RNF2: variants seen among roughly 807,000 people sequenced by gnomAD.
RNF2 encodes the protein E3 ubiquitin-protein ligase RING2.
In RNF2, 6 loss-of-function variants were observed where a neutral mutation model predicts 37.2. That is an observed-to-expected ratio of 0.16 (90% CI 0.09 to 0.32). The LOEUF is 0.32. RNF2 is among the 10% of genes least tolerant of loss of function. The probability of loss-of-function intolerance (pLI) is 1.00; values close to 1 mark genes in which losing one functional copy is unlikely to be tolerated. For synonymous variants in RNF2, 133 were observed against 132.7 expected (o/e 1.00, Z -0.02); for missense variants, 251 against 404.0 (o/e 0.62, Z 3.25).
chr1:185,083,263 A>G (rs937070623), intron 1 of RNF2, among the ~76,000 whole-genome samples: 1 of 152,094 alleles, frequency 6.6e-6, no homozygotes, highest in African/African-American at 2.4e-5. Context: ...GAAGGATTGT[A>G]TGTTTGTTTT....
At chr1:185,086,139 G>A (rs570436906) in intron 1 of RNF2, among the ~76,000 whole-genome samples, 15 of 152,058 alleles carry the variant, frequency 9.9e-5, no homozygotes, top group South Asian at 4.1e-4. Context: ...CTCTACCAAA[G>A]CCTCCTTAAC....
At position 185,076,279 on chromosome 1, in the gene RNF2, T is replaced by TG. The variant is rs1557967423; in HGVS notation, c.-2-11273_-2-11272insG. 3.0e-4 allele frequency among the ~76,000 whole-genome samples: 12 copies of TG among 39,684 alleles called. No individual in the cohort carries two copies. The East Asian group carries it at 3.7e-3, about 12-fold the overall frequency. 26.0% of individuals were successfully genotyped at this position (39,684 alleles called of 152,430 possible). ...ATCTTTTATGGGTTGTTTTTTTTTT[T>TG]TTTTTTTTTTTTTTTTTTTTTTTTT... On this transcript the variant is annotated intron_variant, in intron 1 of 6. Transcript: ENST00000367510.
chr1:185,073,124 A>G (rs1407047344), intron 1 of RNF2, among the ~76,000 whole-genome samples: 1 of 148,512 alleles, frequency 6.7e-6, no homozygotes, highest in African/African-American at 2.5e-5. Context: ...CAGTGTTTAT[A>G]GCTACGTAGT....
At chr1:185,061,198 G>T (rs1269670827) in intron 1 of RNF2, among the ~76,000 whole-genome samples, 2 of 150,046 alleles carry the variant, frequency 1.3e-5, no homozygotes, top group Non-Finnish European at 3.0e-5. Context: ...CGGGATCTCG[G>T]CTCACTGCAA....
At chr1:185,077,147 T>C (rs1404873968) in intron 1 of RNF2, among the ~76,000 whole-genome samples, 1 of 152,214 alleles carries the variant, frequency 6.6e-6, no homozygotes, top group Non-Finnish European at 1.5e-5. Flanking sequence ...TTTTGGCATT[T>C]TTTTTATCTT....
At chr1:185,083,112 T>G (rs903919106) in intron 1 of RNF2, among the ~76,000 whole-genome samples, 4 of 152,244 alleles carry the variant, frequency 2.6e-5, no homozygotes, top group Admixed American at 6.5e-5. Context: ...TTCCCCTGCT[T>G]CTTTGTTTGC....
intron 1 of RNF2, among the ~76,000 whole-genome samples, chr1:185,068,156 AT>A (rs1650857235): frequency 6.6e-6 from 1 of 152,180 alleles, no homozygotes; most frequent in Non-Finnish European, 1.5e-5. Flanking sequence ...TCTGAAATGT[AT>A]TTCACATTTG....
intron 1 of RNF2, among the ~76,000 whole-genome samples, chr1:185,078,957 T>C (rs1651258807): frequency 6.6e-6 from 1 of 152,150 alleles, no homozygotes; most frequent in South Asian, 2.1e-4. Context: ...GGCAGGAGAA[T>C]CGCTTGAACC....
intron 1 of RNF2, among the ~76,000 whole-genome samples, chr1:185,058,499 T>C (rs1650501808): frequency 6.6e-6 from 1 of 152,214 alleles, no homozygotes. Flanking sequence ...ACAGGAATTT[T>C]GTTAAAAGTG....
chr1:185,079,026 C>T (rs1651260365), intron 1 of RNF2, among the ~76,000 whole-genome samples: 1 of 151,424 alleles, frequency 6.6e-6, no homozygotes, highest in Non-Finnish European at 1.5e-5. Context: ...TGATATTTTC[C>T]CTTTGATTAT....
At chr1:185,093,300 A>AG in intron 4 of RNF2, 24 bp downstream of exon 4, 4 of 1,600,220 alleles carry the variant, frequency 2.5e-6, no homozygotes, top group Non-Finnish European at 2.6e-6. Context: ...AGGGTCAGAG[A>AG]GGGTAGCTGT....
At chr1:185,081,641 C>G (rs1651409898) in intron 1 of RNF2, among the ~76,000 whole-genome samples, 1 of 151,708 alleles carries the variant, frequency 6.6e-6, no homozygotes, top group African/African-American at 2.4e-5. Context: ...GAACTCCTGA[C>G]CTCAGGTGAT....
chr1:185,093,862 T>C (rs1003175382), intron 4 of RNF2, among the ~76,000 whole-genome samples: 2 of 152,200 alleles, frequency 1.3e-5, no homozygotes, highest in Non-Finnish European at 2.9e-5. Flanking sequence ...CCAGTGTTTG[T>C]TTCTCTTTTC....
rs1188249093 is a variant in RNF2 at position 185,101,433 on chromosome 1, G to A, written c.*1132G>A. The A allele has an allele frequency of 1.3e-5, 2 of 152,524 alleles. No homozygotes were observed. Among genetic ancestry groups the A allele is most frequent in the African/African-American group, 4.8e-5 (2 of 41,414 alleles). The allele number at this position is 152,524 out of a possible 1,614,324, so 9.4% of individuals were successfully genotyped here. Reference sequence around the variant, plus strand: ...TTCTGTAGAAAAACGTCAGCCAGTAGGGTAAAGTCATTCTACTGTTCTTAA... The same window carrying A: ...TTCTGTAGAAAAACGTCAGCCAGTAAGGTAAAGTCATTCTACTGTTCTTAA... On this transcript the variant is annotated 3_prime_UTR_variant, in exon 7 of 7. Coordinates refer to ENST00000367510, the MANE Select transcript of RNF2 (RefSeq NM_007212.4).
At chr1:185,066,816 A>G (rs1004681401) in intron 1 of RNF2, among the ~76,000 whole-genome samples, 2 of 152,136 alleles carry the variant, frequency 1.3e-5, no homozygotes, top group African/African-American at 2.4e-5. Flanking sequence ...TAAAGTATCT[A>G]TGTCTGTGGT....
At chr1:185,089,241 A>G (rs1651694737) in intron 2 of RNF2, among the ~76,000 whole-genome samples, 1 of 152,216 alleles carries the variant, frequency 6.6e-6, no homozygotes, top group African/African-American at 2.4e-5. Context: ...AGTAATGCTT[A>G]CTTGCCTGCT....
At chr1:185,075,763 T>A (rs1401796576) in intron 1 of RNF2, among the ~76,000 whole-genome samples, 2 of 152,212 alleles carry the variant, frequency 1.3e-5, no homozygotes, top group Non-Finnish European at 2.9e-5. Flanking sequence ...ACTCCCATGA[T>A]CCAGTCACCT....
intron 1 of RNF2, among the ~76,000 whole-genome samples, chr1:185,080,374 A>G (rs1042322392): frequency 6.6e-6 from 1 of 152,206 alleles, no homozygotes; most frequent in African/African-American, 2.4e-5. Context: ...AAAAGATTAA[A>G]TCGATTTTGG....
chr1:185,054,582 A>G (rs1373334617), intron 1 of RNF2, among the ~76,000 whole-genome samples: 1 of 152,216 alleles, frequency 6.6e-6, no homozygotes, highest in African/African-American at 2.4e-5. Context: ...GGCGGCCGCC[A>G]GGACCCCGAG....
Sources: gnomAD v4.1 joint callset for allele counts (sites outside exome capture counted in the v4.1 genomes callset) on GRCh38, gnomAD v4.1.1 for gene constraint, MANE v1.5 for transcripts, NCBI Gene and HGNC (gene_info 2026-07-23, HGNC 2026-07-21) for gene names.